MYO5C: variants seen among roughly 807,000 people sequenced by gnomAD.
MYO5C encodes the protein myosin VC.
Under a neutral mutation model 235.7 loss-of-function variants are expected in MYO5C, and 194 were observed. The observed-to-expected ratio is 0.82, with a 90% confidence interval of 0.73 to 0.93. The LOEUF (loss-of-function observed/expected upper bound fraction) is 0.93. MYO5C is among the 40% of genes least tolerant of loss of function. The probability of loss-of-function intolerance (pLI) is 0.00; values close to 1 mark genes in which losing one functional copy is unlikely to be tolerated. For missense variants in MYO5C, 2,038 were observed against 2,127.2 expected (o/e 0.96, Z 0.82); for synonymous variants, 707 against 754.8 (o/e 0.94, Z 1.04).
At chr15:52,238,054 C>T (rs964417248) in intron 21 of MYO5C, among the ~76,000 whole-genome samples, 1 of 152,052 alleles carries the variant, frequency 6.6e-6, no homozygotes. Context: ...ATAAGATTGG[C>T]GTCCTTAGAA....
intron 5 of MYO5C, among the ~76,000 whole-genome samples, chr15:52,272,969 G>A (rs1367355426): frequency 2.0e-5 from 3 of 152,188 alleles, no homozygotes; most frequent in African/African-American, 7.2e-5. Flanking sequence ...AAGAGCACAG[G>A]TTCTGATGTT....
chr15:52,282,934 A>G, intron 1 of MYO5C, 42 bp from the exon 2 acceptor site: 1 of 1,292,758 alleles, frequency 7.7e-7, no homozygotes, highest in Non-Finnish European at 1.1e-6. Flanking sequence ...AGGACTTCCA[A>G]AATTATGGAT....
rs148215608 is a variant in MYO5C, at chr15:52,275,594, C to T, written c.574G>A (p.Asp192Asn). 2 of 1,614,228 alleles carry T rather than the reference C, an allele frequency of 1.2e-6. No individual in the cohort carries two copies. The highest frequency in any genetic ancestry group is 1.3e-5 in the African/African-American group (1 of 75,054). ...SKSGSNAHVE[D>N]KVLASNPITE... ...ATGGGATTGGATGCCAGGACCTTGT[C>T]TTCCACGTGAGCGTTGCTGCCCGAT... The change falls in exon 5 of 41, where the codon GAC becomes AAC. Residue 192 changes from aspartate (D) to asparagine (N), a missense_variant. Transcript: ENST00000261839.
Position 52,195,479 on chromosome 15 carries a change from G to C in MYO5C, c.4996-22C>G, listed in dbSNP as rs746216986. 3.3e-6 allele frequency: 5 copies of C among 1,499,792 alleles called. No individual in the cohort carries two copies. In the East Asian group the frequency reaches 1.2e-4, roughly 35 times the overall value. 92.9% of individuals were successfully genotyped at this position (1,499,792 alleles called of 1,614,324 possible). The stretch of plus-strand genomic sequence containing the variant: ...TGATCTGCAAACGGTACATAACATG[G>C]TGTTAGACCATGCAAAATAATAACT... On this transcript the variant is annotated intron_variant, in intron 39 of 40. Coordinates refer to ENST00000261839, the MANE Select transcript of MYO5C (RefSeq NM_018728.4).
chr15:52,230,011 C>A (rs145955087), intron 24 of MYO5C, among the ~76,000 whole-genome samples: 29 of 152,216 alleles, frequency 1.9e-4, no homozygotes, highest in African/African-American at 6.7e-4. Flanking sequence ...GCTCCTTCCT[C>A]GTTCCAAGGA....
chr15:52,223,204 C>T (rs1194706060), intron 29 of MYO5C, among the ~76,000 whole-genome samples: 1 of 150,844 alleles, frequency 6.6e-6, no homozygotes, highest in Non-Finnish European at 1.5e-5. Flanking sequence ...GGCCTTCTGA[C>T]ACACTCCTGT....
At chr15:52,253,781 G>C (rs926391050) in intron 11 of MYO5C, among the ~76,000 whole-genome samples, 21 of 152,236 alleles carry the variant, frequency 1.4e-4, no homozygotes, top group Admixed American at 1.4e-3. Flanking sequence ...TCCAAGGACA[G>C]ATCCAGCCTC....
At position 52,286,911 on chromosome 15, in the gene MYO5C, T is replaced by C. The variant is rs1270967500; in HGVS notation, c.28-4019A>G. On this transcript the variant is annotated intron_variant, in intron 1 of 40. Transcript: ENST00000261839. ...CCTGTGACCCTGCCAAATCCCCCTC[T>C]GCGAGAAACACCCAAGAATGATCAA... Among the ~76,000 whole-genome samples the C allele has an allele frequency of 9.0e-5, 12 of 133,542 alleles. No homozygotes were observed. The East Asian group carries it at 2.3e-3, about 26-fold the overall frequency. 87.6% of individuals were successfully genotyped at this position (133,542 alleles called of 152,430 possible). A position where few individuals can be genotyped will look rare whatever the true frequency, so the allele number is the denominator to read the frequency against.
At chr15:52,202,845 G>C (rs926798899) in intron 38 of MYO5C, among the ~76,000 whole-genome samples, 59 of 151,912 alleles carry the variant, frequency 3.9e-4, no homozygotes, top group African/African-American at 1.4e-3. Flanking sequence ...TGTATTTTTT[G>C]ACTTAAGATA....
At chr15:52,278,478 T>C (rs1188255668) in intron 4 of MYO5C, among the ~76,000 whole-genome samples, 1 of 151,846 alleles carries the variant, frequency 6.6e-6, no homozygotes, top group Non-Finnish European at 1.5e-5. Flanking sequence ...CCATGTCTCC[T>C]GCACCTAAAA....
intron 33 of MYO5C, among the ~76,000 whole-genome samples, chr15:52,213,995 A>C (rs1189665332): frequency 6.6e-6 from 1 of 152,226 alleles, no homozygotes; most frequent in African/African-American, 2.4e-5. Flanking sequence ...CAAAGAGATG[A>C]ATATAGAAAA....
intron 19 of MYO5C, 62 bp downstream of exon 19, chr15:52,244,294 G>A (rs762385561): frequency 2.2e-5 from 33 of 1,527,090 alleles, no homozygotes; most frequent in East Asian, 1.1e-4. Context: ...AGTCCTCCCC[G>A]CCGGAGATGA....
intron 38 of MYO5C, 147 bp downstream of exon 38, chr15:52,204,718 C>T (rs2035261359): frequency 2.0e-6 from 2 of 1,008,724 alleles, no homozygotes; most frequent in Non-Finnish European, 2.8e-6. Context: ...CCCGGGGCTC[C>T]TAGGGTGACT....
At chr15:52,203,309 T>A (rs1195307799) in intron 38 of MYO5C, among the ~76,000 whole-genome samples, 1 of 152,134 alleles carries the variant, frequency 6.6e-6, no homozygotes, top group Non-Finnish European at 1.5e-5. Flanking sequence ...ATTTATTGAG[T>A]TACAAACAAT....
intron 5 of MYO5C, among the ~76,000 whole-genome samples, chr15:52,274,072 G>T (rs1270612813): frequency 6.6e-6 from 1 of 151,880 alleles, no homozygotes; most frequent in South Asian, 2.1e-4. Context: ...ACCCTCTCCT[G>T]AGCACCCTGT....
At chr15:52,285,531 A>G (rs1209181152) in intron 1 of MYO5C, among the ~76,000 whole-genome samples, 2 of 151,212 alleles carry the variant, frequency 1.3e-5, no homozygotes, top group Non-Finnish European at 2.9e-5. Context: ...CCTCTGATGC[A>G]GAGCTGAAGC....
At position 52,295,732 on chromosome 15, in the gene MYO5C, G is replaced by A; in HGVS notation, c.-96C>T. 1 of 848,034 alleles carries A rather than the reference G, an allele frequency of 1.2e-6. No individual in the cohort carries two copies. Among genetic ancestry groups the A allele is most frequent in the Non-Finnish European group, 1.6e-6 (1 of 611,418 alleles). 52.5% of individuals were successfully genotyped at this position (848,034 alleles called of 1,614,324 possible). ...GAGGCCGGGCGCAGGAGAGACCGCCGCGGAAATCACCGCCGGGCCATCTTG... is the reference window on the plus strand; with the variant it reads ...GAGGCCGGGCGCAGGAGAGACCGCCACGGAAATCACCGCCGGGCCATCTTG... On this transcript the variant is annotated 5_prime_UTR_variant, in exon 1 of 41. Coordinates refer to ENST00000261839, the MANE Select transcript of MYO5C (RefSeq NM_018728.4).
chr15:52,227,187 G>T (rs961099510), intron 25 of MYO5C, among the ~76,000 whole-genome samples: 5 of 142,016 alleles, frequency 3.5e-5, no homozygotes, highest in Admixed American at 7.2e-5. Flanking sequence ...AAAACCCAGA[G>T]TAATTTTTTT....
Position 52,278,875 on chromosome 15 carries a change from G to A in MYO5C, c.447C>T (p.Ala149=), listed in dbSNP as rs2037105052. The change falls in exon 4 of 41, where the codon GCC becomes GCT. Residue 149 remains alanine, a splice_region_variant and synonymous_variant. Coordinates refer to ENST00000261839, the MANE Select transcript of MYO5C (RefSeq NM_018728.4). The stretch of plus-strand genomic sequence containing the variant: ...AGTCCAGCTTGGCAGGAAGCTACCT[G>A]GCCATCTGCTTGTATGCCTCTTCTG... The part of the protein sequence containing the change: ...AVAEEAYKQM[A]RNNRNQSIIV... 1 of 1,613,648 alleles carries A rather than the reference G, an allele frequency of 6.2e-7. No individual in the cohort carries two copies. The highest frequency in any genetic ancestry group is 1.3e-5 in the African/African-American group (1 of 74,888).
Sources: gnomAD v4.1 joint callset for allele counts (sites outside exome capture counted in the v4.1 genomes callset) on GRCh38, gnomAD v4.1.1 for gene constraint, MANE v1.5 for transcripts, NCBI Gene and HGNC (gene_info 2026-07-23, HGNC 2026-07-21) for gene names.